PHACTR3: variants seen among roughly 807,000 people sequenced by gnomAD.
PHACTR3 encodes the protein phosphatase and actin regulator 3, also known as protein phosphatase 1, regulatory subunit 123.
In PHACTR3, 16 loss-of-function variants were observed where a neutral mutation model predicts 66.8. That is an observed-to-expected ratio of 0.24 (90% CI 0.16 to 0.36). The LOEUF (loss-of-function observed/expected upper bound fraction) is 0.36. Ranked by LOEUF, PHACTR3 falls within the 10% of genes least tolerant of loss-of-function variation. PHACTR3 has a pLI of 1.00. For missense variants in PHACTR3, 647 were observed against 719.9 expected (o/e 0.90, Z 1.16); for synonymous variants, 323 against 292.1 (o/e 1.11, Z -1.08).
At chr20:59,831,068 A>G (rs2042357243) in intron 8 of PHACTR3, among the ~76,000 whole-genome samples, 2 of 152,058 alleles carry the variant, frequency 1.3e-5, no homozygotes, top group South Asian at 4.2e-4. Flanking sequence ...TGCTACTCAC[A>G]GCACAGGGCC....
At chr20:59,590,546 G>A (rs935439872) in intron 1 of PHACTR3, among the ~76,000 whole-genome samples, 1 of 152,110 alleles carries the variant, frequency 6.6e-6, no homozygotes, top group Non-Finnish European at 1.5e-5. Flanking sequence ...TCTTCACTGG[G>A]GTCAGGGGCT....
chr20:59,686,631 TGTGATGATGGTG>T (rs1420577933), intron 1 of PHACTR3, among the ~76,000 whole-genome samples: 1 of 90,426 alleles, frequency 1.1e-5, no homozygotes, highest in African/African-American at 4.4e-5. Context: ...TTGTGATGAT[TGTGATGATGGTG>T]GTGATGATGA....
chr20:59,739,405 T>C (rs2039071379), intron 1 of PHACTR3, among the ~76,000 whole-genome samples: 1 of 152,200 alleles, frequency 6.6e-6, no homozygotes, highest in South Asian at 2.1e-4. Context: ...TGCCCAAGAC[T>C]GCATGATTTA....
intron 4 of PHACTR3, among the ~76,000 whole-genome samples, chr20:59,760,542 G>A (rs1290679945): frequency 6.6e-5 from 10 of 152,068 alleles, no homozygotes; most frequent in Non-Finnish European, 2.9e-5. Flanking sequence ...CTTTTGCTTC[G>A]TTCTCATTCT....
At chr20:59,721,058 C>T (rs908290827) in intron 1 of PHACTR3, among the ~76,000 whole-genome samples, 8 of 152,284 alleles carry the variant, frequency 5.3e-5, no homozygotes, top group African/African-American at 1.4e-4. Context: ...TGCCAGGCAC[C>T]ATGTCAACCC....
At chr20:59,831,966 CTG>C (rs2042397103) in intron 8 of PHACTR3, among the ~76,000 whole-genome samples, 1 of 152,290 alleles carries the variant, frequency 6.6e-6, no homozygotes, top group East Asian at 1.9e-4. Context: ...TGAGTGGCGA[CTG>C]TGTGTCAGGG....
At chr20:59,689,140 C>T (rs1057479278) in intron 1 of PHACTR3, among the ~76,000 whole-genome samples, 6 of 152,148 alleles carry the variant, frequency 3.9e-5, no homozygotes, top group East Asian at 1.9e-4. Flanking sequence ...TTCATGATGC[C>T]GGGAGAGTTG....
intron 1 of PHACTR3, chr20:59,626,407 T>C (rs1352607416): frequency 6.6e-6 from 1 of 152,196 alleles, no homozygotes; most frequent in African/African-American, 2.4e-5. Context: ...CAACTGTCTG[T>C]GATAGATGGT....
intron 1 of PHACTR3, among the ~76,000 whole-genome samples, chr20:59,674,695 GCCTTCTCCTGTCCCC>G (rs1333367306): frequency 2.1e-4 from 7 of 33,254 alleles, no homozygotes; most frequent in African/African-American, 1.2e-3. Flanking sequence ...TCCTGTTCCT[GCCTTCTCCTGTCCCC>G]CCTTCTCCTG....
intron 7 of PHACTR3, among the ~76,000 whole-genome samples, chr20:59,780,064 C>T (rs1423304366): frequency 3.3e-5 from 5 of 152,176 alleles, no homozygotes; most frequent in Non-Finnish European, 5.9e-5. Context: ...AGTAGAAACA[C>T]GTGATGAGGG....
At chr20:59,753,235 T>C (rs2146812230) in intron 3 of PHACTR3, among the ~76,000 whole-genome samples, 1 of 152,024 alleles carries the variant, frequency 6.6e-6, no homozygotes, top group Non-Finnish European at 1.5e-5. Flanking sequence ...CTGCGCCTTA[T>C]GGGAAGAGCC....
intron 1 of PHACTR3, among the ~76,000 whole-genome samples, chr20:59,661,515 C>T (rs1455165074): frequency 1.3e-5 from 2 of 152,186 alleles, no homozygotes; most frequent in Non-Finnish European, 2.9e-5. Flanking sequence ...GACAGAGTGG[C>T]TGAGTTCATC....
Position 59,773,409 on chromosome 20 carries a change from T to C in PHACTR3, c.882T>C (p.Ile294=). ...VHRPLPPSRV[I]EELHRALATK... ...GGCCTCTTCCCCCAAGCCGCGTCAT[T>C]GAGGAGCTGCACAGGGCGCTGGCCA... Residue 294 remains isoleucine, a synonymous_variant, in exon 6 of 13, where the codon ATT becomes ATC. Coordinates refer to ENST00000371015, the MANE Select transcript of PHACTR3 (RefSeq NM_080672.5). 1 of 1,613,954 alleles carries C rather than the reference T, an allele frequency of 6.2e-7. No individual in the cohort carries two copies. The highest frequency in any genetic ancestry group is 8.5e-7 in the Non-Finnish European group (1 of 1,179,960).
chr20:59,715,786 G>A (rs1206777444), intron 1 of PHACTR3, among the ~76,000 whole-genome samples: 1 of 151,748 alleles, frequency 6.6e-6, no homozygotes, highest in Non-Finnish European at 1.5e-5. Flanking sequence ...TCCTTTACGT[G>A]AGGTTCCAAG....
intron 1 of PHACTR3, among the ~76,000 whole-genome samples, chr20:59,691,429 T>A (rs1266529732): frequency 6.6e-6 from 1 of 152,222 alleles, no homozygotes; most frequent in Admixed American, 6.5e-5. Flanking sequence ...TTTTCTCTGA[T>A]TTTCTTGCCT....
intron 1 of PHACTR3, among the ~76,000 whole-genome samples, chr20:59,632,139 C>T (rs930297529): frequency 1.3e-5 from 2 of 152,174 alleles, no homozygotes; most frequent in African/African-American, 4.8e-5. Flanking sequence ...CCATGATGAG[C>T]CATGGCAGTG....
At chr20:59,804,191 C>A (rs1386484778) in intron 7 of PHACTR3, among the ~76,000 whole-genome samples, 1 of 152,154 alleles carries the variant, frequency 6.6e-6, no homozygotes, top group Admixed American at 6.5e-5. Context: ...TACTGTGTAT[C>A]CTTGCTGTGT....
At chr20:59,742,960 G>A in intron 1 of PHACTR3, 147 bp from the exon 2 acceptor site, 1 of 857,580 alleles carries the variant, frequency 1.2e-6, no homozygotes, top group South Asian at 1.8e-5. Context: ...CGGCCACTGT[G>A]GGTGCACTGC....
At chr20:59,635,194 C>CTTTCTTTCTTTCTTTCTTTCTT (rs33980731) in intron 1 of PHACTR3, among the ~76,000 whole-genome samples, 2 of 54,978 alleles carry the variant, frequency 3.6e-5, no homozygotes, top group African/African-American at 7.1e-5. Flanking sequence ...TTCTTTCTTT[C>CTTTCTTTCTTTCTTTCTTTCTT]TCTTTCTTTC....
Sources: allele counts gnomAD v4.1 joint callset (sites outside exome capture counted in the v4.1 genomes callset), GRCh38; gene constraint gnomAD v4.1.1; transcripts MANE v1.5; gene names NCBI Gene and HGNC (gene_info 2026-07-23, HGNC 2026-07-21).